PDZD8: variants seen among roughly 807,000 people sequenced by gnomAD.
PDZD8 encodes the protein PDZ domain containing 8.
Under a neutral mutation model 85.8 loss-of-function variants are expected in PDZD8, and 14 were observed. The ratio of observed to expected loss-of-function variants is 0.16; its 90% CI spans 0.11 to 0.26. PDZD8 has a LOEUF of 0.26. PDZD8 is among the 10% of genes least tolerant of loss of function. PDZD8 has a pLI of 1.00. For missense variants in PDZD8, 1,197 were observed against 1,424.3 expected, an observed-to-expected ratio of 0.84 and a Z score of 2.57; for synonymous variants, 592 against 568.6, an observed-to-expected ratio of 1.04 and a Z score of -0.59.
chr10:117,329,222 C>T (rs1193175423), intron 2 of PDZD8, among the ~76,000 whole-genome samples: 1 of 152,108 alleles, frequency 6.6e-6, no homozygotes, highest in Non-Finnish European at 1.5e-5. Flanking sequence ...TAAATTTCTA[C>T]TACTACTACT....
intron 3 of PDZD8, among the ~76,000 whole-genome samples, chr10:117,293,521 C>T (rs183688461): frequency 6.6e-6 from 1 of 151,954 alleles, no homozygotes; most frequent in Non-Finnish European, 1.5e-5. Flanking sequence ...GTACAGAGAA[C>T]AGTAAAATCA....
intron 1 of PDZD8, among the ~76,000 whole-genome samples, chr10:117,348,845 AGTCCCT>A (rs1219625290): frequency 2.6e-5 from 4 of 152,206 alleles, no homozygotes; most frequent in Non-Finnish European, 5.9e-5. Context: ...CCTGATCTAC[AGTCCCT>A]TAACTGACTT....
intron 2 of PDZD8, among the ~76,000 whole-genome samples, chr10:117,331,595 C>G (rs1331637031): frequency 1.3e-5 from 2 of 152,176 alleles, no homozygotes; most frequent in Non-Finnish European, 2.9e-5. Context: ...TTATTATTTT[C>G]TGACCACAGT....
intron 3 of PDZD8, among the ~76,000 whole-genome samples, chr10:117,291,503 C>T (rs905206485): frequency 2.8e-5 from 4 of 144,598 alleles, no homozygotes; most frequent in East Asian, 2.1e-4. Flanking sequence ...CACTCCAGCC[C>T]GGGCAACAAA....
At chr10:117,342,415 CACACACACACACAT>C (rs1477313980) in intron 1 of PDZD8, among the ~76,000 whole-genome samples, 6 of 150,370 alleles carry the variant, frequency 4.0e-5, no homozygotes, top group South Asian at 2.1e-4. Flanking sequence ...CACACACACA[CACACACACACACAT>C]AGTCAAAAGT....
intron 3 of PDZD8, among the ~76,000 whole-genome samples, chr10:117,306,819 ATAT>A (rs1843952102): frequency 6.6e-6 from 1 of 152,158 alleles, no homozygotes; most frequent in Non-Finnish European, 1.5e-5. Context: ...TTCACTCTGC[ATAT>A]TATTTTTCTG....
At chr10:117,343,844 AAT>A (rs1170523675) in intron 1 of PDZD8, among the ~76,000 whole-genome samples, 1 of 152,238 alleles carries the variant, frequency 6.6e-6, no homozygotes, top group African/African-American at 2.4e-5. Context: ...CAAGCCAATA[AAT>A]AGAATCCACA....
chr10:117,347,540 G>A (rs981509615), intron 1 of PDZD8, among the ~76,000 whole-genome samples: 1 of 152,106 alleles, frequency 6.6e-6, no homozygotes, highest in Non-Finnish European at 1.5e-5. Flanking sequence ...TTGGGCATAT[G>A]TTCAAAGGAC....
chr10:117,306,453 T>C (rs1263998450), intron 3 of PDZD8, among the ~76,000 whole-genome samples: 1 of 152,176 alleles, frequency 6.6e-6, no homozygotes, highest in Non-Finnish European at 1.5e-5. Flanking sequence ...AATAAAAATT[T>C]CAGTAAAATA....
intron 3 of PDZD8, among the ~76,000 whole-genome samples, chr10:117,301,295 A>AT (rs1167518229): frequency 6.6e-6 from 1 of 152,032 alleles, no homozygotes; most frequent in Non-Finnish European, 1.5e-5. Context: ...AAAAATCATC[A>AT]TTTTTGAGGG....
At chr10:117,296,405 T>C (rs1377904372) in intron 3 of PDZD8, among the ~76,000 whole-genome samples, 1 of 152,098 alleles carries the variant, frequency 6.6e-6, no homozygotes, top group Non-Finnish European at 1.5e-5. Context: ...ATAAGATTCA[T>C]TATTGTTGAG....
At chr10:117,325,611 C>T (rs1844303355) in intron 2 of PDZD8, among the ~76,000 whole-genome samples, 1 of 151,818 alleles carries the variant, frequency 6.6e-6, no homozygotes, top group Non-Finnish European at 1.5e-5. Context: ...CCATATTGGC[C>T]AGGCTGGTTT....
intron 1 of PDZD8, among the ~76,000 whole-genome samples, chr10:117,367,871 G>C (rs941978521): frequency 3.3e-5 from 5 of 151,372 alleles, no homozygotes; most frequent in African/African-American, 1.2e-4. Flanking sequence ...AGTGAGCCGA[G>C]ATCATGCACC....
chr10:117,287,592 G>A (rs563527336), intron 4 of PDZD8, among the ~76,000 whole-genome samples: 2 of 152,164 alleles, frequency 1.3e-5, no homozygotes, highest in South Asian at 4.1e-4. Context: ...TTGAATCCTA[G>A]GGATATTTGA....
At chr10:117,332,664 G>A (rs1168778208) in intron 2 of PDZD8, among the ~76,000 whole-genome samples, 3 of 151,606 alleles carry the variant, frequency 2.0e-5, no homozygotes, top group Non-Finnish European at 2.9e-5. Flanking sequence ...ATGCCACCAC[G>A]CCTGGCTAAG....
rs763781513 is a variant in PDZD8 at position 117,375,155 on chromosome 10, G to A, written c.73C>T (p.Leu25=). The change falls in exon 1 of 5, where the codon CTG becomes TTG. Residue 25 remains leucine (L), a synonymous_variant. Coordinates refer to ENST00000334464, the MANE Select transcript of PDZD8 (RefSeq NM_173791.5). ...GGCTCGGGCTGTCTGCGGTACAGCA[G>A]GAAGAACTGGGCGAGGAGCGTGAGG... ...SFLTLLAQFF[L]LYRRQPEPPA... 3.1e-6 allele frequency: 5 copies of A among 1,588,174 alleles called. No homozygotes were observed. Among genetic ancestry groups the A allele is most frequent in the Non-Finnish European group, 4.3e-6 (5 of 1,173,756 alleles).
rs193152946 is a variant in PDZD8 at position 117,358,874 on chromosome 10, C to T, written c.872+15482G>A. Among the ~76,000 whole-genome samples the T allele has an allele frequency of 2.6e-5, 4 of 152,262 alleles. No individual in the cohort carries two copies. The East Asian group carries it at 5.8e-4, about 22-fold the overall frequency. ...GAGGTGCTCTAGAAATATTTCCTAT[C>T]AAACCTTCTATTTATCTATATTAAG... On this transcript the variant is annotated intron_variant, in intron 1 of 4. Transcript: ENST00000334464.
In PDZD8 at chr10:117,285,185, T is replaced by C. The variant is rs747886931; in HGVS notation, c.1548A>G (p.Gln516=). Residue 516 remains glutamine (Q), a synonymous_variant, in exon 5 of 5, where the codon CAA becomes CAG. Coordinates refer to ENST00000334464, the MANE Select transcript of PDZD8 (RefSeq NM_173791.5). ...CACGTTTGGGACTATGACTTAATGA[T>C]TGTGCCTCATCTTTGAACTCATTTT... ...RAQNEFKDEA[Q]SLSHSPKRVP... 3 of 1,614,222 alleles carry C rather than the reference T, an allele frequency of 1.9e-6. No homozygotes were observed. The South Asian group carries it at 3.3e-5, about 18-fold the overall frequency.
In PDZD8 at chr10:117,315,602, A is replaced by AAC. The variant is rs1554853454; in HGVS notation, c.1098+3269_1098+3270insGT. Among the ~76,000 whole-genome samples the AAC allele has an allele frequency of 1.2e-3, 172 of 143,390 alleles. 2 individuals are homozygous for AAC. Among genetic ancestry groups the AAC allele is most frequent in the South Asian group, 1.5e-3 (7 of 4,608 alleles). The allele number at this position is 143,390 out of a possible 152,430, so 94.1% of individuals were successfully genotyped here. ...TAGACTCTCTCAAAAAAAAAAAAAAAAAAAAAAAAACAATAATCTATTTTG... is the reference window on the plus strand; with the variant it reads ...TAGACTCTCTCAAAAAAAAAAAAAAAACAAAAAAAAAACAATAATCTATTTTG... On this transcript the variant is annotated intron_variant, in intron 3 of 4. Transcript: ENST00000334464.
Sources: gnomAD v4.1 joint callset for allele counts (sites outside exome capture counted in the v4.1 genomes callset) on GRCh38, gnomAD v4.1.1 for gene constraint, MANE v1.5 for transcripts, NCBI Gene and HGNC (gene_info 2026-07-23, HGNC 2026-07-21) for gene names.